The following HNF4A variants were observed in gnomAD, a reference collection of about 807,000 sequenced individuals.
The protein encoded by HNF4A is hepatocyte nuclear factor 4 alpha.
HNF4A carries 15 observed loss-of-function variants against 52.4 expected under a neutral mutation model. The ratio of observed to expected loss-of-function variants is 0.29; its 90% CI spans 0.19 to 0.44. HNF4A has a LOEUF of 0.44. Ranked by LOEUF, HNF4A falls within the 20% of genes least tolerant of loss-of-function variation. The probability of loss-of-function intolerance (pLI) is 1.00; values close to 1 mark genes in which losing one functional copy is unlikely to be tolerated. For missense variants in HNF4A, 479 were observed against 647.2 expected, an observed-to-expected ratio of 0.74 and a Z score of 2.82; for synonymous variants, 280 against 264.4, an observed-to-expected ratio of 1.06 and a Z score of -0.57.
At chr20:44,378,894 G>A (rs1188970833) in intron 1 of HNF4A, among the ~76,000 whole-genome samples, 1 of 145,724 alleles carries the variant, frequency 6.9e-6, no homozygotes, top group East Asian at 2.0e-4. Flanking sequence ...ACTCCAGCCT[G>A]GGCCACAGAG....
chr20:44,413,503 G>C (rs1422126638), intron 3 of HNF4A, among the ~76,000 whole-genome samples, 191 bp from the exon 4 acceptor site: 2 of 151,940 alleles, frequency 1.3e-5, no homozygotes, highest in Non-Finnish European at 1.5e-5. Flanking sequence ...TTGTGTTGGG[G>C]GCAGTTGTGA....
chr20:44,398,430 C>A (rs2063373063), upstream of HNF4A, among the ~76,000 whole-genome samples: 1 of 152,138 alleles, frequency 6.6e-6, no homozygotes, highest in African/African-American at 2.4e-5. Context: ...CAATGAACAA[C>A]AAGAACAAAA....
chr20:44,364,876 A>G (rs1247891288), intron 1 of HNF4A, among the ~76,000 whole-genome samples: 1 of 152,230 alleles, frequency 6.6e-6, no homozygotes, highest in Non-Finnish European at 1.5e-5. Flanking sequence ...ATAGTCATCC[A>G]GGGACCCCTA....
chr20:44,398,175 A>G (rs1490682251), upstream of HNF4A, among the ~76,000 whole-genome samples: 1 of 152,222 alleles, frequency 6.6e-6, no homozygotes, highest in African/African-American at 2.4e-5. Flanking sequence ...CACAAAATAC[A>G]TGGAGTCATA....
At chr20:44,359,297 A>C (rs957725303) in intron 1 of HNF4A, among the ~76,000 whole-genome samples, 3 of 152,156 alleles carry the variant, frequency 2.0e-5, no homozygotes, top group Non-Finnish European at 4.4e-5. Flanking sequence ...TTGCCCCATT[A>C]TAACCCAAAC....
chr20:44,377,007 C>T (rs1219919417), intron 1 of HNF4A, among the ~76,000 whole-genome samples: 1 of 151,778 alleles, frequency 6.6e-6, no homozygotes, highest in Non-Finnish European at 1.5e-5. Flanking sequence ...CAAGAGCCAG[C>T]CTGGGCAACA....
intron 2 of HNF4A, among the ~76,000 whole-genome samples, chr20:44,406,485 T>C (rs1051405620): frequency 6.6e-6 from 1 of 152,228 alleles, no homozygotes; most frequent in Admixed American, 6.5e-5. Context: ...ACTAAGTCTT[T>C]GTGTGTATTT....
At chr20:44,372,227 G>A (rs756388545) in intron 1 of HNF4A, among the ~76,000 whole-genome samples, 103 of 152,354 alleles carry the variant, frequency 6.8e-4, no homozygotes, top group Non-Finnish European at 1.1e-3. Flanking sequence ...TTTAAATTAT[G>A]TCTGTGGCTC....
intron 1 of HNF4A, among the ~76,000 whole-genome samples, chr20:44,386,459 G>A (rs769509659): frequency 2.6e-5 from 4 of 152,100 alleles, no homozygotes; most frequent in Non-Finnish European, 5.9e-5. Context: ...AAGCCACCTC[G>A]CCCAGCTGCC....
At chr20:44,384,159 CTT>C (rs371586705) in intron 1 of HNF4A, among the ~76,000 whole-genome samples, 6,780 of 125,416 alleles carry the variant, frequency 0.054, 423 homozygotes, top group African/African-American at 0.14. Context: ...CCCCTGGCTC[CTT>C]TTTTTTTTTT....
At chr20:44,423,334 A>G (rs552506025) in intron 7 of HNF4A, among the ~76,000 whole-genome samples, 1 of 152,272 alleles carries the variant, frequency 6.6e-6, no homozygotes, top group East Asian at 1.9e-4. Context: ...ATAAAATAAA[A>G]TAAAAATGGC....
At chr20:44,399,645 CTCACTCATTAATTCACCCACCCAT>C (rs1219436345), upstream of HNF4A, among the ~76,000 whole-genome samples, 5 of 152,272 alleles carry the variant, frequency 3.3e-5, no homozygotes, top group South Asian at 2.1e-4. Context: ...CACTCATTCA[CTCACTCATTAATTCACCCACCCAT>C]TCACTCATTA....
At chr20:44,390,987 G>C (rs2063295885) in intron 1 of HNF4A, among the ~76,000 whole-genome samples, 1 of 152,178 alleles carries the variant, frequency 6.6e-6, no homozygotes, top group Non-Finnish European at 1.5e-5. Flanking sequence ...GAGGGAAAAT[G>C]ACTTGCCCAA....
At chr20:44,376,556 GTTGT>G (rs891312435) in intron 1 of HNF4A, among the ~76,000 whole-genome samples, 67 of 152,086 alleles carry the variant, frequency 4.4e-4, no homozygotes, top group Admixed American at 1.2e-3. Flanking sequence ...TTCTTTGGAT[GTTGT>G]TTGTTTGTTT....
chr20:44,425,579 AC>A (rs1425077013), intron 8 of HNF4A, among the ~76,000 whole-genome samples: 1 of 152,036 alleles, frequency 6.6e-6, no homozygotes, highest in Non-Finnish European at 1.5e-5. Flanking sequence ...GACAGAATAA[AC>A]AACAAGACAC....
chr20:44,368,542 A>ATCCTCCTCTGAAAT lies in HNF4A; in HGVS notation c.49+12702_49+12703insTTCCTCCTCTGAAA, dbSNP rs1324887419. ...TTTTCTGTATCATTCTGGGATCCAC[A>ATCCTCCTCTGAAAT]TCCTCCTCTGAAAATGGGGTTAATA... On this transcript the variant is annotated intron_variant, in intron 1 of 9. Transcript: ENST00000316673. 2.0e-5 allele frequency among the ~76,000 whole-genome samples: 3 copies of ATCCTCCTCTGAAAT among 152,002 alleles called. 1 individual carries two copies. Among genetic ancestry groups the ATCCTCCTCTGAAAT allele is most frequent in the Non-Finnish European group, 4.4e-5 (3 of 68,006 alleles).
At chr20:44,390,414 C>T (rs1317692856) in intron 1 of HNF4A, 1 of 532,812 alleles carries the variant, frequency 1.9e-6, no homozygotes, top group Non-Finnish European at 3.3e-6. Context: ...CTAGGAGCCC[C>T]TTGCAGAGCC....
At chr20:44,418,661 C>T (rs1014280636) in intron 6 of HNF4A, 149 bp downstream of exon 6, 34 of 630,322 alleles carry the variant, frequency 5.4e-5, no homozygotes, top group Non-Finnish European at 8.2e-5. Context: ...TTAGAGGGCT[C>T]CAGGACTCAG....
At chr20:44,371,374 T>C (rs1412648327) in intron 1 of HNF4A, among the ~76,000 whole-genome samples, 4 of 152,110 alleles carry the variant, frequency 2.6e-5, no homozygotes, top group Non-Finnish European at 4.4e-5. Context: ...GCCTCCCAGG[T>C]TCAAGTAATT....
Sources: allele counts gnomAD v4.1 joint callset (sites outside exome capture counted in the v4.1 genomes callset), GRCh38; gene constraint gnomAD v4.1.1; transcripts MANE v1.5; gene names NCBI Gene and HGNC (gene_info 2026-07-23, HGNC 2026-07-21).